The following PODXL variants were observed in gnomAD, a reference collection of about 807,000 sequenced individuals.
PODXL encodes the protein podocalyxin like.
A neutral mutation model predicts 48.9 loss-of-function variants in PODXL; 20 were observed. The observed-to-expected ratio is 0.41, with a 90% CI of 0.29 to 0.59. The LOEUF (loss-of-function observed/expected upper bound fraction) is 0.59, where lower values mean the gene tolerates loss of function less well. Ranked by LOEUF, PODXL falls within the 20% of genes least tolerant of loss-of-function variation. PODXL has a pLI of 0.31. For missense variants in PODXL, 606 were observed against 675.1 expected (o/e 0.90, Z 1.13); for synonymous variants, 295 against 287.4 (o/e 1.03, Z -0.27).
intron 1 of PODXL, among the ~76,000 whole-genome samples, chr7:131,522,327 T>C (rs1231512562): frequency 1.3e-5 from 2 of 151,972 alleles, no homozygotes; most frequent in Admixed American, 6.6e-5. Flanking sequence ...TGGCACATAC[T>C]GAGTAGTCCC....
chr7:131,512,994 CAAAAAAAA>C (rs60701480), intron 1 of PODXL, among the ~76,000 whole-genome samples: 1 of 95,818 alleles, frequency 1.0e-5, no homozygotes, highest in Admixed American at 1.3e-4. Context: ...GACTCCGTCT[CAAAAAAAA>C]AAAAAAAAAA....
rs573314015 is a variant in PODXL at position 131,538,381 on chromosome 7, G to T, written c.100+17879C>A. Among the ~76,000 whole-genome samples the T allele has an allele frequency of 7.2e-5, 11 of 152,230 alleles. No individual in the cohort carries two copies. In the South Asian group the frequency reaches 2.1e-3, roughly 29 times the overall value. On this transcript the variant is annotated intron_variant, in intron 1 of 8. Transcript: ENST00000378555. ...CATGCCCTGGCACAGCAGCTAGTGG[G>T]GCTCAGTTTCCTCATAATGCAGGGA...
In PODXL at chr7:131,504,457, G is replaced by A. The variant is rs1181829355; in HGVS notation, c.1531C>T (p.Pro511Ser). 1.9e-6 allele frequency: 3 copies of A among 1,614,092 alleles called. No homozygotes were observed. The South Asian group carries it at 3.3e-5, about 18-fold the overall frequency. Residue 511 changes from proline to serine, a missense_variant, in exon 9 of 9, where the codon CCA (proline) becomes TCA (serine). By Grantham distance (74) the Pro-to-Ser change is moderately conservative. Transcript: ENST00000378555. ...QTVENGYHDN[P>S]TLEVMETSSE... is the part of the protein sequence containing the mutation. ...GAGGTCTCCATCACTTCCAGTGTTG[G>A]GTTGTCATGGTAACCATTCTCCACT...
rs1034292867 is a variant in PODXL, at chr7:131,506,600, C to T, written c.1228G>A (p.Val410Ile). The T allele has an allele frequency of 1.4e-5, 23 of 1,614,030 alleles. No individual in the cohort carries two copies. Among genetic ancestry groups the T allele is most frequent in the East Asian group, 6.7e-5 (3 of 44,874 alleles). ...TCACTGTGAATAGTGATTTCTTTGA[C>T]GACCACGGTCTGACTTCCTGGAACA... ...ASVPGSQTVVVKEITIHTKLP... is the reference protein window; with the variant it reads ...ASVPGSQTVVIKEITIHTKLP... The change falls in exon 6 of 9, where the codon GTC (valine) becomes ATC (isoleucine). Residue 410 changes from valine to isoleucine, a missense_variant. Transcript: ENST00000378555.
intron 1 of PODXL, among the ~76,000 whole-genome samples, chr7:131,532,453 T>TAAAAAAAAA (rs1562913043): frequency 1.5e-5 from 2 of 131,054 alleles, no homozygotes; most frequent in African/African-American, 5.4e-5. Context: ...AAAAAAAAAT[T>TAAAAAAAAA]AAAAATAAAT....
intron 1 of PODXL, among the ~76,000 whole-genome samples, chr7:131,530,146 C>T (rs1304475599): frequency 7.6e-6 from 1 of 130,892 alleles, no homozygotes; most frequent in Non-Finnish European, 1.6e-5. Flanking sequence ...GAGGTCTACA[C>T]CCCACCCCCC....
intron 1 of PODXL, among the ~76,000 whole-genome samples, chr7:131,554,203 T>A (rs185890216): frequency 6.6e-6 from 1 of 152,120 alleles, no homozygotes; most frequent in African/African-American, 2.4e-5. Context: ...CCTTACTGAG[T>A]CCCTAGAGGG....
rs879785403 is a variant in PODXL, at chr7:131,504,042, A to G, written c.*269T>C. 37 of 510,134 alleles carry G rather than the reference A, an allele frequency of 7.3e-5. No homozygotes were observed. The highest frequency in any genetic ancestry group is 1.3e-4 in the Non-Finnish European group (37 of 282,682). The allele number at this position is 510,134 out of a possible 1,614,324, so 31.6% of individuals were successfully genotyped here. A position where few individuals can be genotyped will look rare whatever the true frequency, so the allele number is the denominator to read the frequency against. On this transcript the variant is annotated 3_prime_UTR_variant, in exon 9 of 9. Transcript: ENST00000378555. ...GAAGGGATTCCACTAGTTCATCTAT[A>G]AAGTCCCTTACGTGGCTTTTTCTTG...
chr7:131,509,223 A>T, intron 4 of PODXL, 142 bp downstream of exon 4: 1 of 813,942 alleles, frequency 1.2e-6, no homozygotes, highest in Non-Finnish European at 2.1e-6. Flanking sequence ...CTAACCAGGG[A>T]GAGGGAGGAG....
At chr7:131,551,773 A>G (rs1798671743) in intron 1 of PODXL, among the ~76,000 whole-genome samples, 1 of 151,980 alleles carries the variant, frequency 6.6e-6, no homozygotes, top group African/African-American at 2.4e-5. Flanking sequence ...CGTCCCTACT[A>G]AAAAATACAG....
intron 1 of PODXL, among the ~76,000 whole-genome samples, chr7:131,512,082 T>C (rs1342425252): frequency 6.6e-6 from 1 of 152,252 alleles, no homozygotes; most frequent in Non-Finnish European, 1.5e-5. Context: ...GGAAGTTATA[T>C]CTAGGAGAAA....
At chr7:131,542,380 C>G (rs1284512994) in intron 1 of PODXL, among the ~76,000 whole-genome samples, 1 of 152,148 alleles carries the variant, frequency 6.6e-6, no homozygotes, top group African/African-American at 2.4e-5. Context: ...GGGAGGCTGG[C>G]TGCGGTGACT....
intron 1 of PODXL, among the ~76,000 whole-genome samples, chr7:131,551,596 G>T (rs1798667713): frequency 6.6e-6 from 1 of 152,180 alleles, no homozygotes; most frequent in South Asian, 2.1e-4. Flanking sequence ...CCCCTCCTGA[G>T]AAGTCCAGTG....
intron 1 of PODXL, among the ~76,000 whole-genome samples, chr7:131,529,892 G>C (rs1307328529): frequency 6.6e-6 from 1 of 151,450 alleles, no homozygotes; most frequent in Non-Finnish European, 1.5e-5. Flanking sequence ...TGTGACAGCA[G>C]AGCCATCCTA....
intron 1 of PODXL, among the ~76,000 whole-genome samples, chr7:131,515,470 C>A (rs974355095): frequency 2.0e-5 from 3 of 152,016 alleles, no homozygotes; most frequent in African/African-American, 7.3e-5. Context: ...GGTGCGATCT[C>A]GGCTCACTGC....
chr7:131,542,616 C>A (rs1015567947), intron 1 of PODXL, among the ~76,000 whole-genome samples: 2 of 152,270 alleles, frequency 1.3e-5, no homozygotes, highest in East Asian at 3.9e-4. Flanking sequence ...ATGTTTGTGC[C>A]ACTGTACTCC....
intron 1 of PODXL, among the ~76,000 whole-genome samples, chr7:131,512,994 C>CAAA (rs60701480): frequency 0.082 from 7,815 of 95,412 alleles, 851 homozygotes; most frequent in African/African-American, 0.25. Context: ...GACTCCGTCT[C>CAAA]AAAAAAAAAA....
chr7:131,541,219 CCTAT>C (rs1321960225), intron 1 of PODXL, among the ~76,000 whole-genome samples: 1 of 152,146 alleles, frequency 6.6e-6, no homozygotes, highest in African/African-American at 2.4e-5. Context: ...AAAACTATCA[CCTAT>C]CTCTCTCCTT....
chr7:131,556,402 G>C lies in PODXL; in HGVS notation c.-43C>G, dbSNP rs1228642575. On this transcript the variant is annotated 5_prime_UTR_variant, in exon 1 of 9. Transcript: ENST00000378555. ...GCCGGGAGCAGGTGGCTGCGGTGCC[G>C]GCGGAGGATCCGCGCGTCCGGGCGG... 1 of 1,339,606 alleles carries C rather than the reference G, an allele frequency of 7.5e-7. No individual in the cohort carries two copies. Among genetic ancestry groups the C allele is most frequent in the East Asian group, 2.9e-5 (1 of 34,724 alleles). The allele number at this position is 1,339,606 out of a possible 1,614,324, so 83.0% of individuals were successfully genotyped here.
Sources: allele counts gnomAD v4.1 joint callset (sites outside exome capture counted in the v4.1 genomes callset), GRCh38; gene constraint gnomAD v4.1.1; transcripts MANE v1.5; gene names NCBI Gene and HGNC (gene_info 2026-07-23, HGNC 2026-07-21).